Variants in POU2F1 observed in about 807,000 individuals in gnomAD.
The protein encoded by POU2F1 is POU class 2 homeobox 1.
POU2F1 carries 16 observed loss-of-function variants against 84.9 expected under a neutral mutation model. That is an observed-to-expected ratio of 0.19 (90% CI 0.13 to 0.29). The LOEUF is 0.29. Among genes scored for constraint, POU2F1 ranks in the 10% least tolerant of loss-of-function variants. POU2F1 has a pLI of 1.00. For synonymous variants in POU2F1, 368 were observed against 368.3 expected, an observed-to-expected ratio of 1.00 and a Z score of 0.01; for missense variants, 738 against 942.6, an observed-to-expected ratio of 0.78 and a Z score of 2.84.
At chr1:167,412,962 T>A (rs1248800061) in intron 14 of POU2F1, 64 bp from the exon 15 acceptor site, 13 of 1,330,568 alleles carry the variant, frequency 9.8e-6, no homozygotes, top group Non-Finnish European at 1.4e-5. Context: ...TTCCTTTTGG[T>A]GTGTTGTCAA....
intron 1 of POU2F1, among the ~76,000 whole-genome samples, chr1:167,259,483 G>A (rs1172897240): frequency 6.6e-6 from 1 of 152,012 alleles, no homozygotes; most frequent in East Asian, 1.9e-4. Context: ...TGGACATTTT[G>A]ACTGTTTCCA....
intron 1 of POU2F1, among the ~76,000 whole-genome samples, chr1:167,221,725 G>T (rs1648208131): frequency 6.6e-6 from 1 of 151,582 alleles, no homozygotes; most frequent in Non-Finnish European, 1.5e-5. Flanking sequence ...CCCAAGCCAG[G>T]CCTGCTCTCT....
chr1:167,238,118 C>G (rs1649640035), intron 1 of POU2F1, among the ~76,000 whole-genome samples: 1 of 151,870 alleles, frequency 6.6e-6, no homozygotes, highest in African/African-American at 2.4e-5. Flanking sequence ...CCCTTGATTT[C>G]TCATGTGACC....
At chr1:167,400,707 A>T (rs1649144925) in intron 12 of POU2F1, among the ~76,000 whole-genome samples, 1 of 152,212 alleles carries the variant, frequency 6.6e-6, no homozygotes, top group South Asian at 2.1e-4. Flanking sequence ...TGACTTCTAC[A>T]TTGTCAGGAT....
At chr1:167,250,879 T>C (rs755075468) in intron 1 of POU2F1, among the ~76,000 whole-genome samples, 11 of 152,228 alleles carry the variant, frequency 7.2e-5, no homozygotes, top group African/African-American at 1.2e-4. Context: ...TCCCTAATTA[T>C]GCTCAGTTTA....
At chr1:167,306,734 C>G (rs1460403938) in intron 1 of POU2F1, among the ~76,000 whole-genome samples, 1 of 152,144 alleles carries the variant, frequency 6.6e-6, no homozygotes, top group African/African-American at 2.4e-5. Context: ...TCCCTCTCTT[C>G]TTGTCTTCAT....
rs1016156066 is a variant in POU2F1 at position 167,401,396 on chromosome 1, C to T, written c.1450-55C>T. 2.4e-6 allele frequency: 3 copies of T among 1,236,738 alleles called. No individual in the cohort carries two copies. The African/African-American group carries it at 4.5e-5, about 19-fold the overall frequency. 76.6% of individuals were successfully genotyped at this position (1,236,738 alleles called of 1,614,324 possible). A position where few individuals can be genotyped will look rare whatever the true frequency, so the allele number is the denominator to read the frequency against. On this transcript the variant is annotated intron_variant, in intron 12 of 15. Coordinates refer to ENST00000367866, the MANE Select transcript of POU2F1 (RefSeq NM_002697.4). Reference sequence around the variant, plus strand: ...CAAAGAAAGACTGTAAAATCATTTCCTCTTTAAGTTTTGATTTTAAGTGCT... The same window carrying T: ...CAAAGAAAGACTGTAAAATCATTTCTTCTTTAAGTTTTGATTTTAAGTGCT...
At chr1:167,302,256 TTTTTC>T (rs1419970312) in intron 1 of POU2F1, among the ~76,000 whole-genome samples, 1 of 151,690 alleles carries the variant, frequency 6.6e-6, no homozygotes, top group Non-Finnish European at 1.5e-5. Context: ...GCTAATTTTT[TTTTTC>T]TTTTCTTTTT....
At chr1:167,343,251 G>A (rs1657974790) in intron 2 of POU2F1, among the ~76,000 whole-genome samples, 2 of 152,110 alleles carry the variant, frequency 1.3e-5, no homozygotes, top group South Asian at 2.1e-4. Flanking sequence ...TTAAATGACT[G>A]AATAAGCAAT....
intron 1 of POU2F1, among the ~76,000 whole-genome samples, chr1:167,280,306 GA>G (rs1445768003): frequency 6.6e-6 from 1 of 150,664 alleles, no homozygotes; most frequent in Non-Finnish European, 1.5e-5. Context: ...CTTGGTGTTT[GA>G]GCTTGATTTT....
At chr1:167,259,995 C>T (rs971854837) in intron 1 of POU2F1, among the ~76,000 whole-genome samples, 8 of 152,100 alleles carry the variant, frequency 5.3e-5, no homozygotes, top group Non-Finnish European at 1.2e-4. Flanking sequence ...TCTCCTGCCT[C>T]AGCCTCCCGA....
Position 167,326,886 on chromosome 1 carries a change from G to C in POU2F1, c.62-5584G>C, listed in dbSNP as rs188380610. 1.3e-5 allele frequency among the ~76,000 whole-genome samples: 2 copies of C among 152,144 alleles called. 1 individual carries two copies. The highest frequency in any genetic ancestry group is 2.9e-5 in the Non-Finnish European group (2 of 68,016). On this transcript the variant is annotated intron_variant, in intron 1 of 15. Coordinates refer to ENST00000367866, the MANE Select transcript of POU2F1 (RefSeq NM_002697.4). Reference sequence around the variant, plus strand: ...TAGTTTAGAGATGTTATTACATAAAGTAGAAAAGGGCAGATGGTAAGTTGC... The same window carrying C: ...TAGTTTAGAGATGTTATTACATAAACTAGAAAAGGGCAGATGGTAAGTTGC...
At chr1:167,268,172 T>C (rs1195084216) in intron 1 of POU2F1, among the ~76,000 whole-genome samples, 4 of 152,176 alleles carry the variant, frequency 2.6e-5, no homozygotes, top group Non-Finnish European at 4.4e-5. Flanking sequence ...AAGAAATACA[T>C]GTAGCAGGAA....
At chr1:167,407,896 A>C (rs1200982655) in intron 13 of POU2F1, among the ~76,000 whole-genome samples, 1 of 152,232 alleles carries the variant, frequency 6.6e-6, no homozygotes, top group Non-Finnish European at 1.5e-5. Flanking sequence ...AAGAAAAAAA[A>C]ATTAGTAAAT....
At chr1:167,271,494 A>G (rs1052811936) in intron 1 of POU2F1, among the ~76,000 whole-genome samples, 2 of 152,244 alleles carry the variant, frequency 1.3e-5, no homozygotes, top group Non-Finnish European at 2.9e-5. Context: ...ATATTTATTC[A>G]AAGATTGAGC....
intron 8 of POU2F1, among the ~76,000 whole-genome samples, chr1:167,385,214 T>A (rs991697889): frequency 1.3e-5 from 2 of 152,102 alleles, no homozygotes; most frequent in African/African-American, 4.8e-5. Context: ...AAGTAATATG[T>A]TCATGAATCA....
At chr1:167,324,831 G>A (rs1656585412) in intron 1 of POU2F1, among the ~76,000 whole-genome samples, 1 of 152,168 alleles carries the variant, frequency 6.6e-6, no homozygotes, top group Non-Finnish European at 1.5e-5. Flanking sequence ...TGCCCATCTA[G>A]ATTTTTAGTA....
intron 2 of POU2F1, among the ~76,000 whole-genome samples, chr1:167,340,346 C>G (rs534708868): frequency 1.3e-5 from 2 of 152,070 alleles, no homozygotes; most frequent in East Asian, 3.9e-4. Flanking sequence ...TCCCAAAGTG[C>G]TGGGATTAGA....
rs1002289145 is a variant in POU2F1 at position 167,220,911 on chromosome 1, G to A, written c.14G>A (p.Gly5Glu). The A allele has an allele frequency of 3.9e-6, 6 of 1,535,140 alleles. No homozygotes were observed. The African/African-American group carries it at 4.1e-5, about 11-fold the overall frequency. Residue 5 changes from glycine to glutamate, a missense_variant, in exon 1 of 16, where the codon GGA (glycine) becomes GAA (glutamate). By Grantham distance (98) the Gly-to-Glu change is moderately conservative. This residue lies in a region of POU2F1 where 161 missense variants were observed against 147.0 expected (regional missense o/e 1.10). Coordinates refer to ENST00000367866, the MANE Select transcript of POU2F1 (RefSeq NM_002697.4). MADG[G>E]AASQDESSAA... Reference sequence around the variant, plus strand: ...AAAATATTCAAAATGGCGGACGGAGGAGCAGCGAGTCAAGATGAGAGTTCA... The same window carrying A: ...AAAATATTCAAAATGGCGGACGGAGAAGCAGCGAGTCAAGATGAGAGTTCA...
Sources: allele counts gnomAD v4.1 joint callset (sites outside exome capture counted in the v4.1 genomes callset), GRCh38; gene constraint gnomAD v4.1.1; regional missense constraint gnomAD v4.1.1; transcripts MANE v1.5; gene names NCBI Gene and HGNC (gene_info 2026-07-23, HGNC 2026-07-21).